Variants in RAB27B observed in about 807,000 individuals in gnomAD.
RAB27B encodes RAB27B, member RAS oncogene family.
A neutral mutation model predicts 24.6 loss-of-function variants in RAB27B; 15 were observed. That is an observed-to-expected ratio of 0.61 (90% confidence interval 0.41 to 0.94). The LOEUF (loss-of-function observed/expected upper bound fraction) is 0.94, where lower values mean the gene tolerates loss of function less well. Ranked by LOEUF, RAB27B falls within the 40% of genes least tolerant of loss-of-function variation. RAB27B has a pLI of 0.00. For synonymous variants in RAB27B, 105 were observed against 92.5 expected (o/e 1.14, Z -0.78); for missense variants, 261 against 266.8 (o/e 0.98, Z 0.15).
intron 1 of RAB27B, among the ~76,000 whole-genome samples, chr18:54,848,844 T>C (rs531361380): frequency 6.6e-6 from 1 of 152,350 alleles, no homozygotes; most frequent in East Asian, 1.9e-4. Context: ...TTGCTGCTTT[T>C]AGACATAATC....
intron 1 of RAB27B, among the ~76,000 whole-genome samples, chr18:54,845,143 A>C (rs1276689659): frequency 6.6e-6 from 1 of 152,186 alleles, no homozygotes; most frequent in East Asian, 1.9e-4. Flanking sequence ...GCAGTGGCTC[A>C]TGCCTGTAAT....
At chr18:54,841,085 G>A (rs1911089240) in intron 1 of RAB27B, among the ~76,000 whole-genome samples, 1 of 147,810 alleles carries the variant, frequency 6.8e-6, no homozygotes, top group East Asian at 2.1e-4. Flanking sequence ...GGCAGAAGTT[G>A]CAGTGAGCTG....
rs999798376 is a variant in RAB27B, at chr18:54,893,549, C to G, written c.*4136C>G. 3.3e-5 allele frequency: 5 copies of G among 151,900 alleles called. No homozygotes were observed. Among genetic ancestry groups the G allele is most frequent in the African/African-American group, 1.2e-4 (5 of 41,380 alleles). 9.4% of individuals were successfully genotyped at this position (151,900 alleles called of 1,614,324 possible). A position where few individuals can be genotyped will look rare whatever the true frequency, so the allele number is the denominator to read the frequency against. ...CTATATTTTCTTCTGGATCTTTGAC[C>G]AAGGTGATGTCAGCTTATTTCTGGG... On this transcript the variant is annotated 3_prime_UTR_variant, in exon 6 of 6. Coordinates refer to ENST00000262094, the MANE Select transcript of RAB27B (RefSeq NM_004163.4).
chr18:54,841,493 C>T (rs940228338), intron 1 of RAB27B, among the ~76,000 whole-genome samples: 6 of 152,092 alleles, frequency 3.9e-5, no homozygotes, highest in South Asian at 2.1e-4. Context: ...AACCAATCCC[C>T]GATGAACACT....
intron 2 of RAB27B, among the ~76,000 whole-genome samples, chr18:54,806,569 T>TTA (rs1361052743): frequency 6.7e-6 from 1 of 148,382 alleles, no homozygotes; most frequent in African/African-American, 2.5e-5. Flanking sequence ...TATATATTAT[T>TTA]TATATATATA....
chr18:54,888,120 T>A lies in RAB27B; in HGVS notation c.467+2T>A. On this transcript the variant is annotated splice_donor_variant, in intron 5 of 5. Coordinates refer to ENST00000262094, the MANE Select transcript of RAB27B (RefSeq NM_004163.4). LOFTEE classifies it high-confidence loss of function. ...TCGGGAACTGGCTGACAAATATGGG[T>A]AAGTCAGTTACACTGAGATGGCATG... 6.2e-7 allele frequency: 1 copy of A among 1,612,462 alleles called. No individual in the cohort carries two copies. The highest frequency in any genetic ancestry group is 8.5e-7 in the Non-Finnish European group (1 of 1,179,016).
intron 2 of RAB27B, among the ~76,000 whole-genome samples, chr18:54,739,854 C>A (rs757526952): frequency 3.9e-4 from 60 of 152,166 alleles, no homozygotes; most frequent in Admixed American, 1.6e-3. Context: ...ATTTGCATTT[C>A]TTCGAAGTCC....
chr18:54,736,469 A>G (rs922145358), intron 2 of RAB27B, among the ~76,000 whole-genome samples: 4 of 150,784 alleles, frequency 2.7e-5, no homozygotes, highest in Admixed American at 2.0e-4. Context: ...TTCTTCATTT[A>G]GTAAAAAAAA....
At chr18:54,780,784 G>T (rs530255166) in intron 2 of RAB27B, among the ~76,000 whole-genome samples, 47 of 152,296 alleles carry the variant, frequency 3.1e-4, no homozygotes, top group Non-Finnish European at 4.1e-4. Flanking sequence ...TATGGAGAAG[G>T]TTCAGTGATC....
chr18:54,753,773 T>G (rs547693935), intron 2 of RAB27B, among the ~76,000 whole-genome samples: 1 of 152,344 alleles, frequency 6.6e-6, no homozygotes, highest in South Asian at 2.1e-4. Flanking sequence ...GTACGTAATT[T>G]ATCTCAATGC....
At chr18:54,807,952 CTTG>C (rs1909844608) in intron 2 of RAB27B, among the ~76,000 whole-genome samples, 1 of 152,100 alleles carries the variant, frequency 6.6e-6, no homozygotes, top group South Asian at 2.1e-4. Flanking sequence ...TCTTTTAGAT[CTTG>C]TTGTCTCCAG....
intron 2 of RAB27B, among the ~76,000 whole-genome samples, chr18:54,735,682 T>A (rs542361121): frequency 1.8e-4 from 28 of 152,188 alleles, no homozygotes; most frequent in African/African-American, 6.0e-4. Context: ...CCAGTTAATT[T>A]TTTATTTTTT....
In RAB27B at chr18:54,869,063, G is replaced by A. The variant is rs78739502; in HGVS notation, c.-19-8504G>A. Among the ~76,000 whole-genome samples, 1,360 of 152,296 alleles carry A rather than the reference G, an allele frequency of 8.9e-3. 26 individuals carry two copies. Among genetic ancestry groups the A allele is most frequent in the African/African-American group, 0.031 (1,299 of 41,554 alleles). ...TAACTAACCCTGAGATTTGGGTCTT[G>A]TCTGCAAAACAGTGTTTTAAAGGAT... On this transcript the variant is annotated intron_variant, in intron 1 of 5. Coordinates refer to ENST00000262094, the MANE Select transcript of RAB27B (RefSeq NM_004163.4).
At chr18:54,836,621 G>A (rs1910904568) in intron 1 of RAB27B, among the ~76,000 whole-genome samples, 1 of 151,948 alleles carries the variant, frequency 6.6e-6, no homozygotes, top group African/African-American at 2.4e-5. Flanking sequence ...TTTAAAGAAA[G>A]ATGTTCTGTT....
chr18:54,879,242 A>T (rs1395611333), intron 2 of RAB27B, 127 bp from the exon 3 acceptor site: 3 of 700,764 alleles, frequency 4.3e-6, no homozygotes, highest in Non-Finnish European at 7.6e-6. Context: ...AAATAAAGCA[A>T]ATATTTATTC....
At chr18:54,871,337 C>G (rs1029434100) in intron 1 of RAB27B, among the ~76,000 whole-genome samples, 1 of 152,126 alleles carries the variant, frequency 6.6e-6, no homozygotes, top group Admixed American at 6.5e-5. Flanking sequence ...GTTACGGGAA[C>G]GAATATTTCA....
chr18:54,864,671 C>A (rs907181923), intron 1 of RAB27B, among the ~76,000 whole-genome samples: 1 of 151,590 alleles, frequency 6.6e-6, no homozygotes, highest in Admixed American at 6.6e-5. Context: ...ATTCTTTTTC[C>A]CATTTATTTG....
At chr18:54,792,996 C>T (rs1049802565) in intron 2 of RAB27B, among the ~76,000 whole-genome samples, 6 of 152,042 alleles carry the variant, frequency 3.9e-5, no homozygotes, top group African/African-American at 1.4e-4. Context: ...ACGGATTTTG[C>T]ATCCCATGAA....
chr18:54,878,731 C>T (rs1164991740), intron 2 of RAB27B, among the ~76,000 whole-genome samples: 1 of 141,388 alleles, frequency 7.1e-6, no homozygotes, highest in Admixed American at 7.6e-5. Context: ...TTAGGCTTTG[C>T]TTAAACAATA....
Sources: gnomAD v4.1 joint callset for allele counts (sites outside exome capture counted in the v4.1 genomes callset) on GRCh38, gnomAD v4.1.1 for gene constraint, MANE v1.5 for transcripts, NCBI Gene and HGNC (gene_info 2026-07-23, HGNC 2026-07-21) for gene names.